The following CLVS1 variants were observed in gnomAD, a reference collection of about 807,000 sequenced individuals.
CLVS1 encodes the protein clavesin 1.
A neutral mutation model predicts 33.1 loss-of-function variants in CLVS1; 10 were observed. The observed-to-expected ratio is 0.30, with a 90% CI of 0.19 to 0.51. The LOEUF (loss-of-function observed/expected upper bound fraction) is 0.51, where lower values mean the gene tolerates loss of function less well. Ranked by LOEUF, CLVS1 falls within the 20% of genes least tolerant of loss-of-function variation. The pLI, the probability that CLVS1 is intolerant of heterozygous loss-of-function variation, is 0.97. For synonymous variants in CLVS1, 163 were observed against 166.1 expected (o/e 0.98, Z 0.14); for missense variants, 343 against 433.4 (o/e 0.79, Z 1.85).
At chr8:61,498,218 A>T (rs902189240) in intron 5 of CLVS1, among the ~76,000 whole-genome samples, 17 of 152,194 alleles carry the variant, frequency 1.1e-4, no homozygotes, top group African/African-American at 4.1e-4. Context: ...TGTGACCTAA[A>T]GCCCAGACAT....
At chr8:61,422,647 T>C (rs968501398) in intron 3 of CLVS1, among the ~76,000 whole-genome samples, 2 of 152,150 alleles carry the variant, frequency 1.3e-5, no homozygotes, top group Non-Finnish European at 2.9e-5. Flanking sequence ...AGGAACCATA[T>C]AGTATTTGAA....
intron 2 of CLVS1, among the ~76,000 whole-genome samples, chr8:61,357,653 C>G (rs1812793501): frequency 6.6e-6 from 1 of 151,288 alleles, no homozygotes; most frequent in African/African-American, 2.4e-5. Context: ...TTACAGGTGC[C>G]TGCCACCATG....
chr8:61,237,313 T>C (rs1345206800), intron 2 of CLVS1, among the ~76,000 whole-genome samples: 1 of 151,342 alleles, frequency 6.6e-6, no homozygotes, highest in Admixed American at 6.6e-5. Context: ...CCAGGCATGG[T>C]GGTACGTACC....
At chr8:61,432,066 T>C (rs962057574) in intron 3 of CLVS1, among the ~76,000 whole-genome samples, 12 of 152,230 alleles carry the variant, frequency 7.9e-5, no homozygotes, top group Non-Finnish European at 1.2e-4. Flanking sequence ...AGCTGAGCCT[T>C]GTAGGTTTTG....
At chr8:61,448,188 T>C (rs899469292) in intron 3 of CLVS1, among the ~76,000 whole-genome samples, 2 of 152,142 alleles carry the variant, frequency 1.3e-5, no homozygotes, top group Non-Finnish European at 2.9e-5. Context: ...TGTCTTGAGC[T>C]TTCAAAAATA....
At chr8:60,989,942 G>A in the CLVS1 span, among the ~76,000 whole-genome samples, 364 of 151,758 alleles carry the variant, frequency 2.4e-3, 2 homozygotes, top group African/African-American at 8.3e-3. Context: ...TGGCTAACAC[G>A]GTGAAACCCC....
the CLVS1 span, among the ~76,000 whole-genome samples, chr8:61,021,536 A>G: frequency 1.4e-4 from 16 of 110,764 alleles, no homozygotes; most frequent in Non-Finnish European, 3.0e-4. Flanking sequence ...TTTTTTTTGT[A>G]TTTTTAGTAG....
At chr8:61,165,717 C>T (rs115712135) in intron 2 of CLVS1, among the ~76,000 whole-genome samples, 3,997 of 152,268 alleles carry the variant, frequency 0.026, 168 homozygotes, top group African/African-American at 0.09. Flanking sequence ...ATGTATAAAA[C>T]TAACCTGCAC....
chr8:61,220,169 C>T (rs1293655494), intron 2 of CLVS1, among the ~76,000 whole-genome samples: 1 of 152,108 alleles, frequency 6.6e-6, no homozygotes, highest in Non-Finnish European at 1.5e-5. Flanking sequence ...TTAATTAGAT[C>T]CCATTTGTCA....
intron 2 of CLVS1, among the ~76,000 whole-genome samples, chr8:61,187,739 G>A (rs1807372153): frequency 6.7e-6 from 1 of 150,318 alleles, no homozygotes; most frequent in East Asian, 1.9e-4. Context: ...TTAAATATAT[G>A]ATAATTTATT....
chr8:61,075,419 A>G (rs796386426), intron 1 of CLVS1, among the ~76,000 whole-genome samples: 2 of 152,332 alleles, frequency 1.3e-5, no homozygotes, highest in African/African-American at 4.8e-5. Context: ...CAAAGCTCCA[A>G]CATCTGCAAA....
chr8:61,398,531 T>C (rs1814626512), intron 3 of CLVS1, among the ~76,000 whole-genome samples: 1 of 152,122 alleles, frequency 6.6e-6, no homozygotes, highest in South Asian at 2.1e-4. Flanking sequence ...TTTTATTGTT[T>C]TTGATTTTTT....
intron 2 of CLVS1, among the ~76,000 whole-genome samples, chr8:61,253,490 C>G (rs1473276433): frequency 6.6e-6 from 1 of 152,176 alleles, no homozygotes; most frequent in Non-Finnish European, 1.5e-5. Flanking sequence ...TGGGGAAGTT[C>G]TCCTGGATAA....
rs551444340 is a variant in CLVS1, at chr8:61,097,122, A to G, written c.-242-34648A>G. 9.9e-5 allele frequency among the ~76,000 whole-genome samples: 15 copies of G among 152,016 alleles called. No homozygotes were observed. The East Asian group carries it at 1.9e-3, about 20-fold the overall frequency. On this transcript the variant is annotated intron_variant, in intron 1 of 2. Transcript: ENST00000522621. ...ATGCATGTAATCCCAGCACTTTGAG[A>G]TCCTCCTGCAGGAGGATCACTGAGG...
intron 1 of CLVS1, among the ~76,000 whole-genome samples, chr8:61,088,657 A>C (rs1022006194): frequency 3.3e-5 from 5 of 152,138 alleles, no homozygotes; most frequent in Admixed American, 3.3e-4. Flanking sequence ...TGCTGGGTTT[A>C]GAGTATCACT....
At chr8:61,185,048 A>T (rs928406989) in intron 2 of CLVS1, among the ~76,000 whole-genome samples, 15 of 152,156 alleles carry the variant, frequency 9.9e-5, no homozygotes, top group Non-Finnish European at 1.5e-4. Context: ...CATATTTTCC[A>T]AAATTGGAAT....
intron 5 of CLVS1, among the ~76,000 whole-genome samples, chr8:61,472,752 AT>A: frequency 6.6e-6 from 1 of 152,310 alleles, no homozygotes; most frequent in South Asian, 2.1e-4. Context: ...CAGTAATCAG[AT>A]TTTATGCGTT....
Position 61,076,947 on chromosome 8 carries a change from C to G in CLVS1, c.-243+19717C>G, listed in dbSNP as rs575447521. ...CCATTCTGTGCCTGTTGCGGATGAT[C>G]TGCGTTTCCCTGAGGCGTGGTCTGA... On this transcript the variant is annotated intron_variant, in intron 1 of 2. Coordinates refer to the CLVS1 transcript ENST00000522621. Among the ~76,000 whole-genome samples the G allele has an allele frequency of 3.9e-5, 6 of 152,332 alleles. 1 individual carries two copies. Among genetic ancestry groups the G allele is most frequent in the African/African-American group, 1.4e-4 (6 of 41,564 alleles).
At chr8:61,345,969 T>G (rs2129598579) in intron 2 of CLVS1, among the ~76,000 whole-genome samples, 1 of 152,254 alleles carries the variant, frequency 6.6e-6, no homozygotes, top group East Asian at 1.9e-4. Context: ...AACCTATATG[T>G]GATTTTTAAT....
Sources: allele counts gnomAD v4.1 joint callset (sites outside exome capture counted in the v4.1 genomes callset), GRCh38; gene constraint gnomAD v4.1.1; transcripts MANE v1.5; gene names NCBI Gene and HGNC (gene_info 2026-07-23, HGNC 2026-07-21).